Variants in COL14A1 observed in about 807,000 individuals in gnomAD.
COL14A1 encodes collagen alpha-1(XIV) chain.
In COL14A1, 136 loss-of-function variants were observed where a neutral mutation model predicts 230.3. That is an observed-to-expected ratio of 0.59 (90% confidence interval 0.51 to 0.68). The LOEUF (loss-of-function observed/expected upper bound fraction) is 0.68. Ranked by LOEUF, COL14A1 falls within the 30% of genes least tolerant of loss-of-function variation. The pLI is 0.00. For missense variants in COL14A1, 1,976 were observed against 2,215.8 expected (o/e 0.89, Z 2.17); for synonymous variants, 792 against 784.1 (o/e 1.01, Z -0.17).
chr8:120,307,800 CTT>C (rs1292986962), intron 36 of COL14A1, among the ~76,000 whole-genome samples: 2 of 152,148 alleles, frequency 1.3e-5, no homozygotes, highest in East Asian at 1.9e-4. Context: ...CAGGGACCCT[CTT>C]AAACTATTGG....
intron 19 of COL14A1, among the ~76,000 whole-genome samples, chr8:120,240,183 G>GT (rs67282699): frequency 4.4e-4 from 65 of 148,874 alleles, no homozygotes; most frequent in Admixed American, 1.5e-3. Flanking sequence ...TTGCAAAACT[G>GT]TTTTTTTTTT....
At chr8:120,214,499 G>A (rs1284912025) in intron 13 of COL14A1, among the ~76,000 whole-genome samples, 3 of 152,084 alleles carry the variant, frequency 2.0e-5, no homozygotes, top group African/African-American at 7.2e-5. Context: ...CCTTGAAGAG[G>A]TTCAAAAAGC....
chr8:120,359,198 A>C (rs13252214), intron 45 of COL14A1, among the ~76,000 whole-genome samples: 2 of 151,708 alleles, frequency 1.3e-5, no homozygotes, highest in African/African-American at 4.8e-5. Flanking sequence ...CATGCATTAG[A>C]TATTTGTCCT....
At chr8:120,321,633 A>T (rs1821447650) in intron 40 of COL14A1, among the ~76,000 whole-genome samples, 1 of 109,798 alleles carries the variant, frequency 9.1e-6, no homozygotes, top group Non-Finnish European at 1.8e-5. Context: ...ACAGAACAAG[A>T]CTTGTCTCAG....
intron 5 of COL14A1, among the ~76,000 whole-genome samples, chr8:120,195,621 G>GA: frequency 6.6e-6 from 1 of 152,306 alleles, no homozygotes; most frequent in South Asian, 2.1e-4. Flanking sequence ...CAATCATGGC[G>GA]AAAGACAAAG....
chr8:120,324,614 G>A (rs1471165008), intron 40 of COL14A1, among the ~76,000 whole-genome samples: 2 of 152,178 alleles, frequency 1.3e-5, no homozygotes, highest in Non-Finnish European at 2.9e-5. Context: ...AACCCTGACT[G>A]CTTGAGCCTG....
chr8:120,198,627 C>A (rs1434192970), intron 7 of COL14A1, among the ~76,000 whole-genome samples: 1 of 152,088 alleles, frequency 6.6e-6, no homozygotes, highest in Non-Finnish European at 1.5e-5. Context: ...GGATGCTCAA[C>A]CAGCAAATAT....
At chr8:120,202,836 A>G (rs1157469660) in intron 8 of COL14A1, among the ~76,000 whole-genome samples, 2 of 151,842 alleles carry the variant, frequency 1.3e-5, no homozygotes, top group African/African-American at 4.8e-5. Flanking sequence ...TGACCATGGT[A>G]TTCAGTAGAT....
intron 2 of COL14A1, among the ~76,000 whole-genome samples, chr8:120,156,899 T>G (rs1449076799): frequency 6.6e-6 from 1 of 152,188 alleles, no homozygotes; most frequent in Admixed American, 6.5e-5. Context: ...CCCATGCCTA[T>G]GTAGGAGAAT....
chr8:120,184,017 T>G (rs1816562032), intron 5 of COL14A1, among the ~76,000 whole-genome samples: 1 of 152,126 alleles, frequency 6.6e-6, no homozygotes, highest in Admixed American at 6.6e-5. Flanking sequence ...TTTAGTTACT[T>G]AACCATTCTT....
chr8:120,354,403 A>T (rs973614803), intron 45 of COL14A1, among the ~76,000 whole-genome samples: 3 of 149,744 alleles, frequency 2.0e-5, no homozygotes, highest in Non-Finnish European at 4.4e-5. Context: ...AAAAAAAAAA[A>T]AAAAAAGAAA....
chr8:120,307,968 T>C (rs1820903600), intron 36 of COL14A1, among the ~76,000 whole-genome samples: 1 of 152,236 alleles, frequency 6.6e-6, no homozygotes, highest in Admixed American at 6.5e-5. Context: ...AATTGAAGCA[T>C]TTAAAAATTT....
At chr8:120,144,860 A>G (rs1463783273) in intron 1 of COL14A1, among the ~76,000 whole-genome samples, 1 of 152,114 alleles carries the variant, frequency 6.6e-6, no homozygotes, top group Non-Finnish European at 1.5e-5. Flanking sequence ...GTTAACTAGA[A>G]ATATACTTTG....
chr8:120,359,252 G>T (rs1235188215), intron 45 of COL14A1, among the ~76,000 whole-genome samples: 1 of 151,708 alleles, frequency 6.6e-6, no homozygotes, highest in Admixed American at 6.6e-5. Flanking sequence ...ACAGCCCCCG[G>T]TGTGTGATGT....
chr8:120,227,337 G>A lies in COL14A1; in HGVS notation c.2122G>A (p.Ala708Thr), dbSNP rs1465338440. ...DDGSESEVVT[A>T]VGTTLDSFWT... ...TGGAAGCGAGAGTGAGGTGGTGACT[G>A]CTGTCGGGACCACACGTAAGTCTTG... Residue 708 changes from alanine (A) to threonine (T), a missense_variant, in exon 17 of 48, where the codon GCT becomes ACT. By Grantham distance (58) the Ala-to-Thr change is moderately conservative. Transcript: ENST00000297848. The A allele has an allele frequency of 7.4e-6, 12 of 1,613,612 alleles. No individual in the cohort carries two copies. Among genetic ancestry groups the A allele is most frequent in the Non-Finnish European group, 1.0e-5 (12 of 1,179,990 alleles).
At chr8:120,141,100 C>T (rs1814893312) in intron 1 of COL14A1, among the ~76,000 whole-genome samples, 2 of 152,158 alleles carry the variant, frequency 1.3e-5, no homozygotes, top group African/African-American at 4.8e-5. Flanking sequence ...GTTAAACTAT[C>T]TCATGGCATT....
intron 36 of COL14A1, among the ~76,000 whole-genome samples, chr8:120,303,831 A>G (rs1019278985): frequency 2.6e-5 from 4 of 151,976 alleles, no homozygotes; most frequent in African/African-American, 9.7e-5. Context: ...TCTTCTTTGT[A>G]CATCTTGTAG....
intron 19 of COL14A1, among the ~76,000 whole-genome samples, chr8:120,240,673 A>T (rs1205300667): frequency 6.6e-6 from 1 of 152,220 alleles, no homozygotes; most frequent in African/African-American, 2.4e-5. Context: ...GAAGTTGGAC[A>T]ATAGTGTATG....
Position 120,208,175 on chromosome 8 carries a change from T to A in COL14A1, c.1192-57T>A, listed in dbSNP as rs1455488093. 4 of 1,485,488 alleles carry A rather than the reference T, an allele frequency of 2.7e-6. No individual in the cohort carries two copies. The African/African-American group carries it at 5.6e-5, about 21-fold the overall frequency. 92.0% of individuals were successfully genotyped at this position (1,485,488 alleles called of 1,614,324 possible). ...CTGGACGTATTTTCGCTTTTTGATT[T>A]CAATTCTGCGTGTAAGATATTCCAT... is the stretch of plus-strand genomic sequence containing the variant. On this transcript the variant is annotated intron_variant, in intron 10 of 47. Transcript: ENST00000297848.
Sources: gnomAD v4.1 joint callset for allele counts (sites outside exome capture counted in the v4.1 genomes callset) on GRCh38, gnomAD v4.1.1 for gene constraint, MANE v1.5 for transcripts, NCBI Gene and HGNC (gene_info 2026-07-23, HGNC 2026-07-21) for gene names.